The following MTHFD2L variants were observed in gnomAD, a reference collection of about 807,000 sequenced individuals.
MTHFD2L encodes bifunctional methylenetetrahydrofolate dehydrogenase/cyclohydrolase 2, mitochondrial.
In MTHFD2L, 29 loss-of-function variants were observed where a neutral mutation model predicts 34.9. The ratio of observed to expected loss-of-function variants is 0.83; its 90% CI spans 0.62 to 1.13. The LOEUF (loss-of-function observed/expected upper bound fraction) is 1.13. MTHFD2L is among the 50% of genes most tolerant of loss of function. The probability of loss-of-function intolerance (pLI) is 0.00; values close to 1 mark genes in which losing one functional copy is unlikely to be tolerated. For missense variants in MTHFD2L, 481 were observed against 446.5 expected (o/e 1.08, Z -0.70); for synonymous variants, 167 against 155.7 (o/e 1.07, Z -0.54).
chr4:74,155,750 T>C (rs1208559312), upstream of MTHFD2L, among the ~76,000 whole-genome samples: 2 of 152,008 alleles, frequency 1.3e-5, no homozygotes, highest in East Asian at 3.9e-4. Context: ...TGAGGTAGCA[T>C]GGATTCACCC....
At chr4:74,295,911 C>G (rs1381247808) in intron 7 of MTHFD2L, among the ~76,000 whole-genome samples, 1 of 152,166 alleles carries the variant, frequency 6.6e-6, no homozygotes, top group Non-Finnish European at 1.5e-5. Context: ...CATTAATACA[C>G]AGTGCTGTTC....
At chr4:74,201,846 C>G (rs1268088582) in intron 5 of MTHFD2L, among the ~76,000 whole-genome samples, 2 of 152,108 alleles carry the variant, frequency 1.3e-5, no homozygotes, top group African/African-American at 4.8e-5. Context: ...AGTGACACTC[C>G]AAGTCACTGA....
chr4:74,238,423 G>C (rs1225810690), intron 6 of MTHFD2L, among the ~76,000 whole-genome samples: 1 of 152,112 alleles, frequency 6.6e-6, no homozygotes, highest in Non-Finnish European at 1.5e-5. Context: ...TACCATTCAG[G>C]ACATAGGCAT....
chr4:74,157,117 A>AT (rs1399461849), upstream of MTHFD2L: 1 of 152,274 alleles, frequency 6.6e-6, no homozygotes, highest in Non-Finnish European at 1.5e-5. Flanking sequence ...GGTCACCTAG[A>AT]TTTTTTCCTG....
At chr4:74,180,564 T>TA in intron 3 of MTHFD2L, 1 of 203,086 alleles carries the variant, frequency 4.9e-6, no homozygotes, top group Non-Finnish European at 1.1e-5. Flanking sequence ...GCATAAGAAT[T>TA]AAACAGAATG....
At chr4:74,213,285 C>T (rs1736656357) in intron 5 of MTHFD2L, among the ~76,000 whole-genome samples, 1 of 152,150 alleles carries the variant, frequency 6.6e-6, no homozygotes, top group African/African-American at 2.4e-5. Context: ...GCAGTTTCTT[C>T]ATAGTTTCCA....
intron 6 of MTHFD2L, among the ~76,000 whole-genome samples, chr4:74,253,219 T>C (rs1743555286): frequency 6.6e-6 from 1 of 152,140 alleles, no homozygotes; most frequent in South Asian, 2.1e-4. Context: ...GAAGAGAAGA[T>C]GCAAAAGTGA....
At chr4:74,120,688 G>A (rs550017703), upstream of MTHFD2L, among the ~76,000 whole-genome samples, 6 of 152,322 alleles carry the variant, frequency 3.9e-5, no homozygotes, top group South Asian at 1.2e-3. Context: ...TAAAGTGCAT[G>A]CCCTTAACTC....
intron 6 of MTHFD2L, among the ~76,000 whole-genome samples, chr4:74,226,960 T>C (rs968658272): frequency 1.3e-5 from 2 of 152,016 alleles, no homozygotes; most frequent in Non-Finnish European, 2.9e-5. Context: ...GTGAAGATCT[T>C]TCTTGGGAGG....
chr4:74,115,673 C>T (rs1217202478), intron 2 of MTHFD2L, among the ~76,000 whole-genome samples: 1 of 152,160 alleles, frequency 6.6e-6, no homozygotes, highest in Non-Finnish European at 1.5e-5. Context: ...TCCTCTTCTC[C>T]TTTAATGGCA....
rs373808535 is a variant in MTHFD2L, at chr4:74,201,248, A to T, written c.605-15A>T. On this transcript the variant is annotated splice_polypyrimidine_tract_variant and intron_variant, in intron 4 of 7. Transcript: ENST00000325278. ...GTTGTCAATTCTGCATTTAAACCGA[A>T]CTCTGTATTTTAAGGAATTCAAACA... is the stretch of plus-strand genomic sequence containing the variant. The T allele has an allele frequency of 8.1e-6, 13 of 1,602,200 alleles. No homozygotes were observed. The highest frequency in any genetic ancestry group is 5.0e-5 in the Admixed American group (3 of 59,806).
At chr4:74,270,058 T>A (rs1745758818) in intron 6 of MTHFD2L, among the ~76,000 whole-genome samples, 1 of 152,160 alleles carries the variant, frequency 6.6e-6, no homozygotes, top group Non-Finnish European at 1.5e-5. Context: ...TCTGTATCCC[T>A]ACACAATGGG....
At chr4:74,131,346 C>T (rs954228642) in intron 1 of MTHFD2L, among the ~76,000 whole-genome samples, 12 of 151,930 alleles carry the variant, frequency 7.9e-5, no homozygotes, top group African/African-American at 2.7e-4. Flanking sequence ...ATTACAAGTC[C>T]ACAGTAATCA....
At chr4:74,216,429 T>C (rs994069394) in intron 5 of MTHFD2L, among the ~76,000 whole-genome samples, 2 of 151,852 alleles carry the variant, frequency 1.3e-5, no homozygotes, top group Admixed American at 6.5e-5. Flanking sequence ...GAAGGCTCCA[T>C]GGAAAAATCC....
intron 7 of MTHFD2L, among the ~76,000 whole-genome samples, chr4:74,297,103 T>TA (rs1180114815): frequency 6.6e-6 from 1 of 152,100 alleles, no homozygotes; most frequent in Non-Finnish European, 1.5e-5. Context: ...TTCAAGGAAA[T>TA]ATATGGAATT....
At chr4:74,259,123 A>C (rs2061508) in intron 6 of MTHFD2L, among the ~76,000 whole-genome samples, 56,205 of 151,900 alleles carry the variant, frequency 0.37, 13,196 homozygotes, top group African/African-American at 0.67. Flanking sequence ...TTATTCCAGG[A>C]AGTTGCAGCT....
chr4:74,216,612 T>C (rs1737254172), intron 5 of MTHFD2L, among the ~76,000 whole-genome samples: 1 of 151,770 alleles, frequency 6.6e-6, no homozygotes, highest in Non-Finnish European at 1.5e-5. Context: ...AGAACTCCAG[T>C]TGCATGTCTA....
chr4:74,248,986 G>A (rs1207311743), intron 6 of MTHFD2L, among the ~76,000 whole-genome samples: 10 of 152,132 alleles, frequency 6.6e-5, no homozygotes, highest in African/African-American at 1.9e-4. Context: ...TTCTGTAGAT[G>A]TGTATTAGGT....
chr4:74,130,803 A>G (rs573875200), intron 1 of MTHFD2L, among the ~76,000 whole-genome samples: 2 of 152,252 alleles, frequency 1.3e-5, no homozygotes, highest in African/African-American at 4.8e-5. Context: ...AATTGTCTCT[A>G]TTTGCAAATG....
Sources: allele counts gnomAD v4.1 joint callset (sites outside exome capture counted in the v4.1 genomes callset), GRCh38; gene constraint gnomAD v4.1.1; transcripts MANE v1.5; gene names NCBI Gene and HGNC (gene_info 2026-07-23, HGNC 2026-07-21).